SLC7A9: variants seen among roughly 807,000 people sequenced by gnomAD.
The protein encoded by SLC7A9 is solute carrier family 7 member 9.
Under a neutral mutation model 54.1 loss-of-function variants are expected in SLC7A9, and 38 were observed. That is an observed-to-expected ratio of 0.70 (90% CI 0.54 to 0.92). The LOEUF is 0.92. Ranked by LOEUF, SLC7A9 falls within the 40% of genes least tolerant of loss-of-function variation. The pLI, the probability that SLC7A9 is intolerant of heterozygous loss-of-function variation, is 0.00. For missense variants in SLC7A9, 537 were observed against 636.1 expected (o/e 0.84, Z 1.68); for synonymous variants, 264 against 258.9 (o/e 1.02, Z -0.19).
chr19:32,864,576 T>C, intron 3 of SLC7A9, 53 bp downstream of exon 3: 1 of 1,605,106 alleles, frequency 6.2e-7, no homozygotes, highest in Non-Finnish European at 8.5e-7. Flanking sequence ...AGCAGCTGCC[T>C]GGCGTGCCCC....
intron 8 of SLC7A9, among the ~76,000 whole-genome samples, chr19:32,858,800 A>ATTTATTTATTTATTTC (rs1968709231): frequency 6.6e-6 from 1 of 150,604 alleles, no homozygotes; most frequent in Admixed American, 6.6e-5. Flanking sequence ...TTATTTATTT[A>ATTTATTTATTTATTTC]TTTCTGAGAT....
At chr19:32,839,846 T>C (rs1393788235) in intron 11 of SLC7A9, among the ~76,000 whole-genome samples, 2 of 152,136 alleles carry the variant, frequency 1.3e-5, no homozygotes, top group African/African-American at 4.8e-5. Context: ...AGCTCTGTAA[T>C]TTTATCAGCA....
chr19:32,836,468 C>T (rs1163420575), intron 11 of SLC7A9, among the ~76,000 whole-genome samples: 1 of 152,048 alleles, frequency 6.6e-6, no homozygotes, highest in African/African-American at 2.4e-5. Flanking sequence ...ATGTTATTTG[C>T]TTTTTGGTTG....
chr19:32,833,389 A>G (rs897423887), intron 11 of SLC7A9, 66 bp from the exon 12 acceptor site: 6 of 1,465,820 alleles, frequency 4.1e-6, no homozygotes, highest in Non-Finnish European at 5.7e-6. Flanking sequence ...TAAAAAACCG[A>G]TTTTTATAAA....
intron 11 of SLC7A9, among the ~76,000 whole-genome samples, chr19:32,840,312 A>G (rs141520514): frequency 0.019 from 2,862 of 152,182 alleles, 67 homozygotes; most frequent in South Asian, 0.1. Context: ...AGCTGGGACT[A>G]TAGGCGTGCA....
intron 9 of SLC7A9, among the ~76,000 whole-genome samples, chr19:32,845,103 G>GCAGTAAGCCAAGATTGTGCCA (rs1385874442): frequency 8.1e-4 from 123 of 152,070 alleles, no homozygotes; most frequent in African/African-American, 2.8e-3. Flanking sequence ...GGCAGAGGTT[G>GCAGTAAGCCAAGATTGTGCCA]CAGTAAGCCA....
intron 9 of SLC7A9, 43 bp downstream of exon 9, chr19:32,858,397 G>A (rs747829214): frequency 2.7e-5 from 38 of 1,400,130 alleles, no homozygotes; most frequent in East Asian, 1.4e-4. Flanking sequence ...TATTGCTTTC[G>A]CCGCCCCTGT....
At chr19:32,861,432 C>G (rs571734571) in intron 6 of SLC7A9, among the ~76,000 whole-genome samples, 1 of 152,226 alleles carries the variant, frequency 6.6e-6, no homozygotes, top group South Asian at 2.1e-4. Context: ...AGGGCAGTCC[C>G]CCAAACCATA....
At chr19:32,855,143 T>C (rs529607558) in intron 9 of SLC7A9, among the ~76,000 whole-genome samples, 44 of 152,340 alleles carry the variant, frequency 2.9e-4, no homozygotes, top group African/African-American at 1.1e-3. Context: ...CTGTCATCTT[T>C]TGACAACAGA....
chr19:32,848,611 A>G (rs1461928736), intron 9 of SLC7A9, among the ~76,000 whole-genome samples: 1 of 152,220 alleles, frequency 6.6e-6, no homozygotes, highest in Non-Finnish European at 1.5e-5. Flanking sequence ...CACTGTCAAC[A>G]TTAGACAGAT....
Position 32,862,552 on chromosome 19 carries a change from C to G in SLC7A9, c.513G>C (p.Arg171=). 1 of 1,614,006 alleles carries G rather than the reference C, an allele frequency of 6.2e-7. No homozygotes were observed. The highest frequency in any genetic ancestry group is 1.7e-5 in the Admixed American group (1 of 60,020). The change falls in exon 5 of 13, where the codon CGG becomes CGC. Residue 171 remains arginine (R), a synonymous_variant. Coordinates refer to ENST00000023064, the MANE Select transcript of SLC7A9 (RefSeq NM_014270.5). Reference sequence around the variant, plus strand: ...AGATGTTCTGGACGTAGCTTCCCAGCCGCACGCTCAGTGAGTTCACTGTCG... The same window carrying G: ...AGATGTTCTGGACGTAGCTTCCCAGGCGCACGCTCAGTGAGTTCACTGTCG... ...FISTVNSLSV[R]LGSYVQNIFT...
At chr19:32,845,346 T>C (rs1295444954) in intron 9 of SLC7A9, among the ~76,000 whole-genome samples, 1 of 151,470 alleles carries the variant, frequency 6.6e-6, no homozygotes, top group Non-Finnish European at 1.5e-5. Context: ...AATACAAAAA[T>C]TAGCCAGGTG....
intron 8 of SLC7A9, 62 bp from the exon 9 acceptor site, chr19:32,858,605 C>T (rs1402943682): frequency 6.5e-6 from 9 of 1,382,422 alleles, no homozygotes; most frequent in African/African-American, 2.9e-5. Flanking sequence ...CGGCCGGCCC[C>T]CAAAAGCTAT....
At chr19:32,832,605 G>A (rs113129084) in intron 12 of SLC7A9, among the ~76,000 whole-genome samples, 7,481 of 130,310 alleles carry the variant, frequency 0.057, 444 homozygotes, top group East Asian at 0.2. Flanking sequence ...AAAAAAAAAA[G>A]AAAGAAAGAA....
rs1238594016 is a variant in SLC7A9, at chr19:32,864,266, G to A, written c.308C>T (p.Ala103Val). The A allele has an allele frequency of 3.1e-6, 5 of 1,614,138 alleles. No individual in the cohort carries two copies. Among genetic ancestry groups the A allele is most frequent in the East Asian group, 4.5e-5 (2 of 44,882 alleles). ...GAGGTAGGCGGGGATGGGCCCGTAG[G>A]CCTCCATCAGGTAGGGATACTCTCC... The part of the protein sequence containing the change: ...SGGEYPYLME[A>V]YGPIPAYLFS... The change falls in exon 4 of 13, where the codon GCC becomes GTC. Residue 103 changes from alanine (A) to valine (V), a missense_variant. By Grantham distance (64) the Ala-to-Val change is moderately conservative. Coordinates refer to ENST00000023064, the MANE Select transcript of SLC7A9 (RefSeq NM_014270.5).
At chr19:32,858,879 C>A (rs995395838) in intron 8 of SLC7A9, among the ~76,000 whole-genome samples, 8 of 151,844 alleles carry the variant, frequency 5.3e-5, no homozygotes, top group African/African-American at 1.9e-4. Flanking sequence ...ACCTCTGCCT[C>A]CCAGGGTCAA....
At chr19:32,832,790 T>A in intron 12 of SLC7A9, 1 of 301,528 alleles carries the variant, frequency 3.3e-6, no homozygotes, top group South Asian at 3.4e-5. Context: ...GTGCCTGTGG[T>A]CCCAGCTACT....
At chr19:32,844,055 C>T in intron 9 of SLC7A9, 104 bp from the exon 10 acceptor site, 1 of 836,506 alleles carries the variant, frequency 1.2e-6, no homozygotes, top group Non-Finnish European at 2.0e-6. Context: ...CCTCGGGAGG[C>T]TCAGGAAGGG....
At chr19:32,839,356 C>T (rs531778958) in intron 11 of SLC7A9, among the ~76,000 whole-genome samples, 62 of 152,016 alleles carry the variant, frequency 4.1e-4, no homozygotes, top group Non-Finnish European at 8.8e-5. Flanking sequence ...AGTTCGAGAC[C>T]AGCCTGACCA....
Sources: allele counts gnomAD v4.1 joint callset (sites outside exome capture counted in the v4.1 genomes callset), GRCh38; gene constraint gnomAD v4.1.1; transcripts MANE v1.5; gene names NCBI Gene and HGNC (gene_info 2026-07-23, HGNC 2026-07-21).